GNAQ: variants seen among roughly 807,000 people sequenced by gnomAD.
The protein encoded by GNAQ is G protein subunit alpha q, also known as guanine nucleotide-binding protein G(q) subunit alpha.
Under a neutral mutation model 43.9 loss-of-function variants are expected in GNAQ, and 8 were observed. The ratio of observed to expected loss-of-function variants is 0.18; its 90% CI spans 0.11 to 0.33. The LOEUF is 0.33. GNAQ is among the 10% of genes least tolerant of loss of function. GNAQ has a pLI of 1.00. For missense variants in GNAQ, 158 were observed against 450.8 expected, an observed-to-expected ratio of 0.35 and a Z score of 5.88; for synonymous variants, 155 against 170.7, an observed-to-expected ratio of 0.91 and a Z score of 0.71.
At chr9:77,773,325 AAC>A (rs1355869490) in intron 5 of GNAQ, among the ~76,000 whole-genome samples, 3 of 152,248 alleles carry the variant, frequency 2.0e-5, no homozygotes, top group Non-Finnish European at 4.4e-5. Context: ...TGAAAGTTAT[AAC>A]ACTAACTTAG....
chr9:77,879,011 A>T (rs1158839846), intron 2 of GNAQ, among the ~76,000 whole-genome samples: 1 of 152,076 alleles, frequency 6.6e-6, no homozygotes, highest in Non-Finnish European at 1.5e-5. Context: ...GTACCACTGC[A>T]CTCCAGCCTG....
chr9:77,812,446 T>C (rs373142354), intron 3 of GNAQ, among the ~76,000 whole-genome samples: 13 of 152,190 alleles, frequency 8.5e-5, no homozygotes, highest in East Asian at 3.8e-4. Context: ...AAATGTAACT[T>C]CTAGTTTAGA....
chr9:77,845,894 A>C (rs1024313667), intron 2 of GNAQ, among the ~76,000 whole-genome samples: 2 of 152,354 alleles, frequency 1.3e-5, no homozygotes, highest in South Asian at 2.1e-4. Flanking sequence ...CAACTAAAGA[A>C]AGAGTTGTTG....
intron 1 of GNAQ, among the ~76,000 whole-genome samples, chr9:77,995,987 G>A (rs1211634590): frequency 3.9e-5 from 6 of 152,172 alleles, no homozygotes; most frequent in Non-Finnish European, 7.3e-5. Context: ...ACAGAAAGAA[G>A]ACTGCGTATA....
intron 1 of GNAQ, among the ~76,000 whole-genome samples, chr9:77,958,730 G>A (rs1398843242): frequency 6.6e-6 from 1 of 152,156 alleles, no homozygotes; most frequent in African/African-American, 2.4e-5. Context: ...GCAAATCCAT[G>A]AAGCCATGGG....
At chr9:78,008,477 C>T (rs1823732549) in intron 1 of GNAQ, among the ~76,000 whole-genome samples, 1 of 152,168 alleles carries the variant, frequency 6.6e-6, no homozygotes, top group East Asian at 1.9e-4. Flanking sequence ...CTGCTACCAC[C>T]CCCACCATCC....
At chr9:78,025,652 C>T (rs1823968938) in intron 1 of GNAQ, among the ~76,000 whole-genome samples, 1 of 152,294 alleles carries the variant, frequency 6.6e-6, no homozygotes, top group South Asian at 2.1e-4. Flanking sequence ...ATTCCCTCCA[C>T]CTTCTGAGGG....
chr9:77,782,750 T>C (rs1449581062), intron 5 of GNAQ, among the ~76,000 whole-genome samples: 1 of 152,242 alleles, frequency 6.6e-6, no homozygotes, highest in African/African-American at 2.4e-5. Context: ...AACCAAGATG[T>C]CCTTCAGCAA....
At chr9:77,968,327 A>T (rs1025866755) in intron 1 of GNAQ, among the ~76,000 whole-genome samples, 2 of 152,248 alleles carry the variant, frequency 1.3e-5, no homozygotes, top group African/African-American at 4.8e-5. Flanking sequence ...AAATCCCTAC[A>T]GGCTAAATGA....
chr9:77,899,572 T>C (rs968698021), intron 2 of GNAQ, among the ~76,000 whole-genome samples: 1 of 148,614 alleles, frequency 6.7e-6, no homozygotes, highest in Non-Finnish European at 1.5e-5. Context: ...AATCAAAAAA[T>C]GGACTACATG....
intron 1 of GNAQ, among the ~76,000 whole-genome samples, chr9:77,968,779 G>T (rs1371156808): frequency 6.6e-6 from 1 of 152,188 alleles, no homozygotes; most frequent in African/African-American, 2.4e-5. Flanking sequence ...AATTATGCCG[G>T]GGCTCTTAAA....
At chr9:77,820,981 A>T (rs1827104443) in intron 2 of GNAQ, among the ~76,000 whole-genome samples, 1 of 152,222 alleles carries the variant, frequency 6.6e-6, no homozygotes, top group Non-Finnish European at 1.5e-5. Context: ...AATTATTTCA[A>T]CAAATATTTA....
At chr9:77,765,058 T>C (rs1046941431) in intron 5 of GNAQ, among the ~76,000 whole-genome samples, 4 of 152,190 alleles carry the variant, frequency 2.6e-5, no homozygotes, top group Admixed American at 2.6e-4. Flanking sequence ...ATGCAAGTAC[T>C]TCATGCCATA....
chr9:77,725,220 C>T (rs1825379736), intron 6 of GNAQ, among the ~76,000 whole-genome samples: 1 of 152,030 alleles, frequency 6.6e-6, no homozygotes, highest in African/African-American at 2.4e-5. Flanking sequence ...TCATTACAGC[C>T]ATCACAGCAG....
chr9:77,835,251 G>A (rs571509379), intron 2 of GNAQ, among the ~76,000 whole-genome samples: 35 of 151,654 alleles, frequency 2.3e-4, no homozygotes, highest in Non-Finnish European at 4.6e-4. Flanking sequence ...TGAAATAATG[G>A]AGAGAGAAAC....
intron 1 of GNAQ, among the ~76,000 whole-genome samples, chr9:78,005,929 T>C (rs1175965681): frequency 6.6e-6 from 1 of 152,202 alleles, no homozygotes; most frequent in African/African-American, 2.4e-5. Flanking sequence ...TGGAAGAAAC[T>C]AGACACAAGC....
intron 2 of GNAQ, among the ~76,000 whole-genome samples, chr9:77,849,043 CG>C (rs1256242720): frequency 6.6e-6 from 1 of 152,152 alleles, no homozygotes; most frequent in African/African-American, 2.4e-5. Context: ...GAGGAAAATT[CG>C]AGCTCAGTGA....
At chr9:77,872,792 C>A (rs1828061275) in intron 2 of GNAQ, among the ~76,000 whole-genome samples, 1 of 152,122 alleles carries the variant, frequency 6.6e-6, no homozygotes, top group South Asian at 2.1e-4. Context: ...TTTAGGGATA[C>A]AATACACAGA....
chr9:77,748,983 A>G lies in GNAQ; in HGVS notation c.736-20316T>C, dbSNP rs562883407. Reference sequence around the variant, plus strand: ...AAAGGGGGAGTTCTGAAGGAAGGCCATATTTCTGGCTGGGACACTGGCTTC... The same window carrying G: ...AAAGGGGGAGTTCTGAAGGAAGGCCGTATTTCTGGCTGGGACACTGGCTTC... On this transcript the variant is annotated intron_variant, in intron 5 of 6. Coordinates refer to ENST00000286548, the MANE Select transcript of GNAQ (RefSeq NM_002072.5). Among the ~76,000 whole-genome samples the G allele has an allele frequency of 3.9e-5, 6 of 152,246 alleles. No homozygotes were observed. The East Asian group carries it at 7.7e-4, about 20-fold the overall frequency.
Sources: allele counts gnomAD v4.1 joint callset (sites outside exome capture counted in the v4.1 genomes callset), GRCh38; gene constraint gnomAD v4.1.1; transcripts MANE v1.5; gene names NCBI Gene and HGNC (gene_info 2026-07-23, HGNC 2026-07-21).